The following ANO2 variants were observed in gnomAD, a reference collection of about 807,000 sequenced individuals.
ANO2 encodes anoctamin 2.
ANO2 carries 101 observed loss-of-function variants against 124.2 expected under a neutral mutation model. That is an observed-to-expected ratio of 0.81 (90% CI 0.69 to 0.96). The LOEUF is 0.96. ANO2 is among the 40% of genes least tolerant of loss of function. The probability of loss-of-function intolerance (pLI) is 0.00; values close to 1 mark genes in which losing one functional copy is unlikely to be tolerated. For missense variants in ANO2, 1,293 were observed against 1,274.5 expected, an observed-to-expected ratio of 1.01 and a Z score of -0.22; for synonymous variants, 486 against 482.5, an observed-to-expected ratio of 1.01 and a Z score of -0.09.
intron 1 of ANO2, among the ~76,000 whole-genome samples, chr12:5,931,411 C>T (rs144864394): frequency 0.12 from 17,854 of 152,012 alleles, 1,182 homozygotes; most frequent in African/African-American, 0.17. Flanking sequence ...TTGTATAAAA[C>T]ATTGGGAATT....
intron 13 of ANO2, among the ~76,000 whole-genome samples, chr12:5,738,171 AC>A (rs1283401215): frequency 6.6e-6 from 1 of 152,238 alleles, no homozygotes; most frequent in Non-Finnish European, 1.5e-5. Context: ...TCTTCAGCCC[AC>A]CTGCTCAAAG....
At chr12:5,575,067 C>G (rs1202828019) in intron 23 of ANO2, among the ~76,000 whole-genome samples, 4 of 152,150 alleles carry the variant, frequency 2.6e-5, no homozygotes, top group Non-Finnish European at 5.9e-5. Context: ...GACTCCCCAC[C>G]TAGAATGTTT....
At chr12:5,565,495 G>A (rs992826803) in intron 24 of ANO2, 63 bp downstream of exon 24, 8 of 1,353,558 alleles carry the variant, frequency 5.9e-6, no homozygotes, top group Non-Finnish European at 8.2e-6. Flanking sequence ...CAAGCAATGA[G>A]TGCAGTGTCC....
intron 10 of ANO2, among the ~76,000 whole-genome samples, chr12:5,784,100 G>T (rs1292138987): frequency 6.6e-6 from 1 of 152,062 alleles, no homozygotes; most frequent in African/African-American, 2.4e-5. Context: ...TCAGCTACTT[G>T]TAACCCCTCA....
intron 4 of ANO2, among the ~76,000 whole-genome samples, chr12:5,848,164 A>G (rs189215071): frequency 1.3e-5 from 2 of 152,280 alleles, no homozygotes; most frequent in Non-Finnish European, 2.9e-5. Context: ...AGTCCCTTGT[A>G]TTGTTCATGT....
chr12:5,819,894 T>A (rs1953730019), intron 7 of ANO2, among the ~76,000 whole-genome samples: 1 of 152,214 alleles, frequency 6.6e-6, no homozygotes, highest in South Asian at 2.1e-4. Flanking sequence ...GTACCTACTG[T>A]AATGGACAGC....
chr12:5,647,341 C>T (rs1314334189), intron 15 of ANO2, among the ~76,000 whole-genome samples: 1 of 152,208 alleles, frequency 6.6e-6, no homozygotes, highest in Non-Finnish European at 1.5e-5. Context: ...TACAGGAAAG[C>T]GGAAGGATCA....
chr12:5,717,809 C>T (rs1048437074), intron 14 of ANO2, among the ~76,000 whole-genome samples: 3 of 152,174 alleles, frequency 2.0e-5, no homozygotes, highest in East Asian at 1.9e-4. Flanking sequence ...GGGAATATTA[C>T]GGATTAAGTT....
At position 5,852,048 on chromosome 12, in the gene ANO2, C is replaced by G. The variant is rs569932403; in HGVS notation, c.633+1995G>C. The G allele has an allele frequency of 5.7e-6, 4 of 703,350 alleles. No homozygotes were observed. In the Admixed American group the frequency reaches 8.0e-5, roughly 14 times the overall value. 43.6% of individuals were successfully genotyped at this position (703,350 alleles called of 1,614,324 possible). On this transcript the variant is annotated intron_variant, in intron 4 of 24. Coordinates refer to ENST00000682330, the MANE Select transcript of ANO2 (RefSeq NM_001364791.2). ...AGAGAACATTACACATTCAGATAAA[C>G]CAGAGAGAAAGGAGAATAATATATT...
intron 4 of ANO2, among the ~76,000 whole-genome samples, chr12:5,849,700 G>A (rs114609623): frequency 2.3e-3 from 351 of 152,184 alleles, no homozygotes; most frequent in African/African-American, 8.1e-3. Context: ...TTGAGATCTC[G>A]ATTTTGTGAT....
At chr12:5,675,017 A>G (rs961152259) in intron 14 of ANO2, among the ~76,000 whole-genome samples, 7 of 152,110 alleles carry the variant, frequency 4.6e-5, no homozygotes, top group Non-Finnish European at 8.8e-5. Context: ...ACTGGAATGA[A>G]AGCTCCATAG....
chr12:5,883,866 C>T (rs946945726), intron 3 of ANO2, among the ~76,000 whole-genome samples: 2 of 152,106 alleles, frequency 1.3e-5, no homozygotes, highest in African/African-American at 2.4e-5. Flanking sequence ...GTTATAATTG[C>T]TAACATTGAT....
intron 10 of ANO2, among the ~76,000 whole-genome samples, chr12:5,790,366 T>G (rs903575819): frequency 2.6e-5 from 4 of 152,138 alleles, no homozygotes; most frequent in Non-Finnish European, 5.9e-5. Context: ...TGAGATCCTC[T>G]CCTGAATTTC....
intron 19 of ANO2, among the ~76,000 whole-genome samples, chr12:5,602,212 A>G (rs1458018719): frequency 6.6e-6 from 1 of 152,200 alleles, no homozygotes; most frequent in Non-Finnish European, 1.5e-5. Context: ...ATAGAAATGG[A>G]CAATAGGAAA....
At chr12:5,760,431 A>C (rs1010833728) in intron 10 of ANO2, among the ~76,000 whole-genome samples, 3 of 152,206 alleles carry the variant, frequency 2.0e-5, no homozygotes, top group Non-Finnish European at 4.4e-5. Context: ...CAGTGAATAG[A>C]ATCTTATTTC....
chr12:5,710,309 T>A (rs186907549), intron 14 of ANO2, among the ~76,000 whole-genome samples: 2 of 152,268 alleles, frequency 1.3e-5, no homozygotes, highest in East Asian at 3.9e-4. Context: ...GACACTAAGG[T>A]CTCCCTCTTG....
chr12:5,706,379 C>T (rs990684546), intron 14 of ANO2, among the ~76,000 whole-genome samples: 1 of 152,116 alleles, frequency 6.6e-6, no homozygotes, highest in East Asian at 1.9e-4. Flanking sequence ...CATCCTGTCA[C>T]ACTGGACGCC....
intron 1 of ANO2, among the ~76,000 whole-genome samples, chr12:5,929,565 C>T (rs201259185): frequency 5.8e-3 from 175 of 29,932 alleles, no homozygotes; most frequent in Admixed American, 6.4e-3. Context: ...CTTCTTTCCT[C>T]ACTCGTCTGC....
intron 20 of ANO2, among the ~76,000 whole-genome samples, chr12:5,580,260 C>T (rs1942670626): frequency 6.6e-6 from 1 of 152,106 alleles, no homozygotes; most frequent in Non-Finnish European, 1.5e-5. Context: ...AATGTACATA[C>T]AATGTACAAT....
Sources: gnomAD v4.1 joint callset for allele counts (sites outside exome capture counted in the v4.1 genomes callset) on GRCh38, gnomAD v4.1.1 for gene constraint, MANE v1.5 for transcripts, NCBI Gene and HGNC (gene_info 2026-07-23, HGNC 2026-07-21) for gene names.